Variants in CNTN6 observed in about 807,000 individuals in gnomAD.
The protein encoded by CNTN6 is contactin 6.
CNTN6 carries 137 observed loss-of-function variants against 122.8 expected under a neutral mutation model. That is an observed-to-expected ratio of 1.12 (90% CI 0.97 to 1.29). The LOEUF is 1.29. Among genes scored for constraint, CNTN6 ranks in the 50% most tolerant of loss-of-function variants. The pLI is 0.00. For missense variants in CNTN6, 1,634 were observed against 1,223.4 expected (o/e 1.34, Z -5.01); for synonymous variants, 570 against 426.0 (o/e 1.34, Z -4.16).
intron 20 of CNTN6, chr3:1,401,221 A>T: frequency 6.3e-6 from 3 of 476,180 alleles, no homozygotes; most frequent in Non-Finnish European, 1.1e-5. Flanking sequence ...TTATTAATTC[A>T]TAAGTCTGTC....
At chr3:1,225,555 G>T (rs2094270194) in intron 3 of CNTN6, among the ~76,000 whole-genome samples, 1 of 152,136 alleles carries the variant, frequency 6.6e-6, no homozygotes. Flanking sequence ...ACTAAATATG[G>T]TATATCCTAT....
chr3:1,173,221 C>G (rs1334832596), intron 2 of CNTN6: 1 of 456,588 alleles, frequency 2.2e-6, no homozygotes, highest in East Asian at 7.0e-5. Context: ...TATATCAGTC[C>G]AATTCTGCTG....
chr3:1,150,366 T>C (rs1431442621), intron 2 of CNTN6, among the ~76,000 whole-genome samples: 2 of 152,206 alleles, frequency 1.3e-5, no homozygotes, highest in Non-Finnish European at 2.9e-5. Flanking sequence ...TGAATTATTA[T>C]AATTTTTCTA....
intron 17 of CNTN6, 137 bp downstream of exon 17, chr3:1,377,212 A>G: frequency 1.8e-6 from 1 of 545,840 alleles, no homozygotes. Flanking sequence ...CATCCTGATG[A>G]TGAATTATTT....
intron 3 of CNTN6, among the ~76,000 whole-genome samples, chr3:1,227,503 C>G (rs2094299031): frequency 6.6e-6 from 1 of 152,118 alleles, no homozygotes; most frequent in African/African-American, 2.4e-5. Flanking sequence ...TGAAAAGTCA[C>G]TAAAGGAATA....
At chr3:1,312,881 G>C (rs1256123572) in intron 7 of CNTN6, among the ~76,000 whole-genome samples, 3 of 141,898 alleles carry the variant, frequency 2.1e-5, no homozygotes. Flanking sequence ...ATCCCAATTT[G>C]TTCATCTACA....
At chr3:1,153,861 A>G (rs1264262019) in intron 2 of CNTN6, among the ~76,000 whole-genome samples, 1 of 152,188 alleles carries the variant, frequency 6.6e-6, no homozygotes, top group Non-Finnish European at 1.5e-5. Context: ...TGCTTTGCTC[A>G]AGGATCCCAG....
At chr3:1,192,551 C>T (rs1035653606) in intron 2 of CNTN6, among the ~76,000 whole-genome samples, 1 of 152,148 alleles carries the variant, frequency 6.6e-6, no homozygotes, top group African/African-American at 2.4e-5. Context: ...CTTCAGTCTA[C>T]AGAGTCCAGA....
chr3:1,394,259 A>G, intron 20 of CNTN6: 1 of 232,170 alleles, frequency 4.3e-6, no homozygotes, highest in Non-Finnish European at 8.6e-6. Context: ...GGAACAAGAC[A>G]GCCAGGAATC....
chr3:1,384,029 A>G (rs539911437), intron 19 of CNTN6, among the ~76,000 whole-genome samples: 3 of 152,286 alleles, frequency 2.0e-5, no homozygotes, highest in African/African-American at 7.2e-5. Context: ...TCCTCCCTCA[A>G]AGTAAGGGAA....
intron 1 of CNTN6, among the ~76,000 whole-genome samples, chr3:1,094,698 C>T (rs1242493422): frequency 6.6e-6 from 1 of 150,690 alleles, no homozygotes; most frequent in African/African-American, 2.4e-5. Context: ...AGAACCCCCT[C>T]TAAAAAAAAT....
intron 12 of CNTN6, among the ~76,000 whole-genome samples, chr3:1,352,713 T>G (rs1229599865): frequency 6.6e-6 from 1 of 151,840 alleles, no homozygotes; most frequent in Non-Finnish European, 1.5e-5. Context: ...ATTATTTGGC[T>G]TTTTACATAA....
At chr3:1,398,938 C>G (rs1174667042) in intron 20 of CNTN6, among the ~76,000 whole-genome samples, 1 of 152,134 alleles carries the variant, frequency 6.6e-6, no homozygotes, top group East Asian at 1.9e-4. Context: ...GATGAGGACA[C>G]AAATGCAAAC....
intron 20 of CNTN6, among the ~76,000 whole-genome samples, chr3:1,396,653 C>T (rs539843666): frequency 6.6e-6 from 1 of 152,328 alleles, no homozygotes; most frequent in East Asian, 1.9e-4. Flanking sequence ...TATACTCCTC[C>T]TTTAGAGGCA....
intron 2 of CNTN6, among the ~76,000 whole-genome samples, chr3:1,174,026 T>C (rs2093406604): frequency 1.3e-5 from 2 of 152,298 alleles, no homozygotes; most frequent in South Asian, 2.1e-4. Context: ...ACACCAGTAA[T>C]AGAAAACTCT....
chr3:1,383,502 A>G, intron 19 of CNTN6, 94 bp downstream of exon 19: 1 of 908,250 alleles, frequency 1.1e-6, no homozygotes, highest in Non-Finnish European at 1.8e-6. Flanking sequence ...GCCTGTTGTT[A>G]GCATATGATA....
chr3:1,191,921 A>C (rs1167714411), intron 2 of CNTN6, among the ~76,000 whole-genome samples: 1 of 152,220 alleles, frequency 6.6e-6, no homozygotes, highest in Non-Finnish European at 1.5e-5. Flanking sequence ...CTTTTACTCT[A>C]AATTATAATT....
chr3:1,227,138 T>C (rs2125548805), intron 3 of CNTN6, among the ~76,000 whole-genome samples: 1 of 152,328 alleles, frequency 6.6e-6, no homozygotes, highest in Admixed American at 6.5e-5. Flanking sequence ...CTTCAGCTAG[T>C]TAATTCATGT....
chr3:1,378,870 A>G (rs979861114), intron 17 of CNTN6, among the ~76,000 whole-genome samples: 1 of 152,166 alleles, frequency 6.6e-6, no homozygotes, highest in Non-Finnish European at 1.5e-5. Flanking sequence ...GTCCTTGAGT[A>G]TATCTACCTT....
Sources: gnomAD v4.1 joint callset for allele counts (sites outside exome capture counted in the v4.1 genomes callset) on GRCh38, gnomAD v4.1.1 for gene constraint, MANE v1.5 for transcripts, NCBI Gene and HGNC (gene_info 2026-07-23, HGNC 2026-07-21) for gene names.